Variants in ITPRIP observed in about 807,000 individuals in gnomAD.
The protein encoded by ITPRIP is inositol 1,4,5-trisphosphate receptor-interacting protein.
In ITPRIP, 32 loss-of-function variants were observed where a neutral mutation model predicts 35.8. The observed-to-expected ratio is 0.89, with a 90% CI of 0.68 to 1.20. ITPRIP has a LOEUF of 1.20. ITPRIP is among the 50% of genes most tolerant of loss of function. The probability of loss-of-function intolerance (pLI) is 0.00; values close to 1 mark genes in which losing one functional copy is unlikely to be tolerated. For missense variants in ITPRIP, 653 were observed against 735.6 expected (o/e 0.89, Z 1.30); for synonymous variants, 358 against 324.0 (o/e 1.11, Z -1.13).
chr10:104,336,097 G>A (rs895382101), intron 1 of ITPRIP, among the ~76,000 whole-genome samples: 21 of 152,272 alleles, frequency 1.4e-4, no homozygotes, highest in African/African-American at 5.1e-4. Context: ...GCTTGGCTAT[G>A]TCCACTCAAG....
At chr10:104,332,848 G>A (rs1374223093) in intron 1 of ITPRIP, among the ~76,000 whole-genome samples, 1 of 152,238 alleles carries the variant, frequency 6.6e-6, no homozygotes, top group Non-Finnish European at 1.5e-5. Context: ...TGAACTGTGA[G>A]ACGGGATTCC....
Position 104,315,527 on chromosome 10 carries a change from C to G in ITPRIP, c.525G>C (p.Leu175=), listed in dbSNP as rs574663057. 6.2e-7 allele frequency: 1 copy of G among 1,614,230 alleles called. No individual in the cohort carries two copies. Among genetic ancestry groups the G allele is most frequent in the Non-Finnish European group, 8.5e-7 (1 of 1,180,034 alleles). The change falls in exon 2 of 2, where the codon CTG becomes CTC. Residue 175 remains leucine (L), a synonymous_variant. Coordinates refer to ENST00000337478, the MANE Select transcript of ITPRIP (RefSeq NM_001272013.2). This position sits in a 1 kb window ranked among gnomAD's most constrained non-coding sequence, Gnocchi z 5.7. ...EGFVDDLLEA[L]RSLCNRDTDM... is the part of the protein sequence containing the mutation. The stretch of plus-strand genomic sequence containing the variant: ...CGGTGTCCCGGTTGCAGAGGCTCCT[C>G]AGGGCTTCCAGCAAGTCATCCACGA...
chr10:104,324,380 A>AG (rs1231953869), intron 1 of ITPRIP, among the ~76,000 whole-genome samples: 2 of 152,216 alleles, frequency 1.3e-5, no homozygotes, highest in Admixed American at 6.5e-5. Context: ...GGGCCCTGAA[A>AG]GGGGAGGGAG....
rs546378400 is a variant in ITPRIP, at chr10:104,317,224, T to C, written c.-13-1160A>G. Among the ~76,000 whole-genome samples the C allele has an allele frequency of 6.6e-5, 10 of 152,360 alleles. No homozygotes were observed. The East Asian group carries it at 1.2e-3, about 18-fold the overall frequency. ...ATCACTAATTTCTTCTTACCAGGCA[T>C]GTGAACTTTAAATCTAACTTCTTAA... On this transcript the variant is annotated intron_variant, in intron 1 of 1. Transcript: ENST00000337478.
rs1418898895 is a variant in ITPRIP at position 104,333,045 on chromosome 10, T to C, written c.-14+5201A>G. 6.6e-6 allele frequency among the ~76,000 whole-genome samples: 1 copy of C among 152,204 alleles called. No individual in the cohort carries two copies. Among genetic ancestry groups the C allele is most frequent in the Non-Finnish European group, 1.5e-5 (1 of 68,032 alleles). On this transcript the variant is annotated intron_variant, in intron 1 of 1. Coordinates refer to ENST00000337478, the MANE Select transcript of ITPRIP (RefSeq NM_001272013.2). The surrounding 1 kb of genome is among the most constrained non-coding windows in gnomAD (Gnocchi z 4.1). The stretch of plus-strand genomic sequence containing the variant: ...GATGTGAGCATCCTATTTCTCACTC[T>C]CTTTTGTGGGGAGGCTGAAGAATGG...
At chr10:104,330,787 T>C (rs12268079) in intron 1 of ITPRIP, among the ~76,000 whole-genome samples, 2,965 of 152,312 alleles carry the variant, frequency 0.019, 92 homozygotes, top group African/African-American at 0.067. Context: ...ATCTCCATTT[T>C]ACAGATAAGG....
Position 104,332,009 on chromosome 10 carries a change from C to G in ITPRIP, c.-14+6237G>C, listed in dbSNP as rs531788747. ...TGGGCTACAGTGTCCAGACAGACGC[C>G]TGAGGTGGCAGAAAGAGTCCAAGGC... is the stretch of plus-strand genomic sequence containing the variant. On this transcript the variant is annotated intron_variant, in intron 1 of 1. Coordinates refer to ENST00000337478, the MANE Select transcript of ITPRIP (RefSeq NM_001272013.2). 3.3e-5 allele frequency among the ~76,000 whole-genome samples: 5 copies of G among 152,278 alleles called. No individual in the cohort carries two copies. In the East Asian group the frequency reaches 9.6e-4, roughly 29 times the overall value.
Position 104,314,745 on chromosome 10 carries a change from G to A in ITPRIP, c.1307C>T (p.Ala436Val). The A allele has an allele frequency of 6.2e-7, 1 of 1,613,832 alleles. No individual in the cohort carries two copies. The highest frequency in any genetic ancestry group is 8.5e-7 in the Non-Finnish European group (1 of 1,179,946). Residue 436 changes from alanine to valine, a missense_variant, in exon 2 of 2, where the codon GCC becomes GTC. Physicochemically the swap from Ala to Val is moderately conservative, Grantham distance 64 (BLOSUM62 0). Transcript: ENST00000337478. ...CCGGAGGAGTAGGAGGTGCAGTAGGGCCGTCTTCAGGTGGTAGCTGCTGAG... is the reference window on the plus strand; with the variant it reads ...CCGGAGGAGTAGGAGGTGCAGTAGGACCGTCTTCAGGTGGTAGCTGCTGAG... The part of the protein sequence containing the change: ...SGLSSYHLKT[A>V]LLHLLLLRQA...
In ITPRIP at chr10:104,328,181, G is replaced by A. The variant is rs1308686263; in HGVS notation, c.-14+10065C>T. 3 of 976,034 alleles carry A rather than the reference G, an allele frequency of 3.1e-6. No individual in the cohort carries two copies. Among genetic ancestry groups the A allele is most frequent in the Admixed American group, 1.2e-4 (2 of 16,234 alleles). 60.5% of individuals were successfully genotyped at this position (976,034 alleles called of 1,614,324 possible). Reference sequence around the variant, plus strand: ...GGGGAAGGTCTCCCTCAGCCTCCAGGATTCCCATCTCCGGTTTCTATGCGT... The same window carrying A: ...GGGGAAGGTCTCCCTCAGCCTCCAGAATTCCCATCTCCGGTTTCTATGCGT... On this transcript the variant is annotated intron_variant, in intron 1 of 1. Transcript: ENST00000337478. The surrounding 1 kb of genome is among the most constrained non-coding windows in gnomAD (Gnocchi z 4.1).
chr10:104,325,016 G>A (rs1208170452), intron 1 of ITPRIP, among the ~76,000 whole-genome samples: 2 of 152,186 alleles, frequency 1.3e-5, no homozygotes, highest in Non-Finnish European at 2.9e-5. Context: ...TCAGGAGTTC[G>A]AGACCAGCCT....
intron 1 of ITPRIP, among the ~76,000 whole-genome samples, chr10:104,319,675 C>T (rs1336411103): frequency 6.6e-6 from 1 of 152,098 alleles, no homozygotes; most frequent in African/African-American, 2.4e-5. Context: ...GGGCTGTGGT[C>T]GCTCAGGGCC....
intron 1 of ITPRIP, among the ~76,000 whole-genome samples, chr10:104,325,739 G>A (rs548520772): frequency 1.2e-4 from 18 of 152,292 alleles, no homozygotes; most frequent in East Asian, 1.9e-4. Flanking sequence ...GTGCACACGC[G>A]GACAGCAGAG....
chr10:104,327,504 C>T (rs891413437), intron 1 of ITPRIP, among the ~76,000 whole-genome samples: 9 of 152,176 alleles, frequency 5.9e-5, no homozygotes, highest in African/African-American at 1.9e-4. Flanking sequence ...CACCCCTCTG[C>T]TGGCCAAAAC....
chr10:104,330,752 C>T (rs1436825031), intron 1 of ITPRIP, among the ~76,000 whole-genome samples: 1 of 152,200 alleles, frequency 6.6e-6, no homozygotes, highest in Non-Finnish European at 1.5e-5. Flanking sequence ...ATCATTCTCA[C>T]ATCAAACCTC....
chr10:104,315,979 G>A lies in ITPRIP; in HGVS notation c.73C>T (p.Arg25Trp). The change falls in exon 2 of 2, where the codon CGG becomes TGG. Residue 25 changes from arginine to tryptophan, a missense_variant. By Grantham distance (101) the Arg-to-Trp change is moderately radical. Coordinates refer to ENST00000337478, the MANE Select transcript of ITPRIP (RefSeq NM_001272013.2). The surrounding 1 kb of genome is among the most constrained non-coding windows in gnomAD (Gnocchi z 5.7). ...TTCTCGGGGACTGTGGCGTTCTCCC[G>A]CGGGAACAGCAGCGGGTGGTTGATG... ...AIINHPLLFP[R>W]ENATVPENEE... The A allele has an allele frequency of 1.9e-6, 3 of 1,612,950 alleles. No individual in the cohort carries two copies. Among genetic ancestry groups the A allele is most frequent in the African/African-American group, 1.3e-5 (1 of 74,998 alleles).
chr10:104,326,634 G>C lies in ITPRIP; in HGVS notation c.-13-10570C>G, dbSNP rs1340302003. The C allele has an allele frequency of 6.6e-6, 1 of 152,196 alleles. No homozygotes were observed. The highest frequency in any genetic ancestry group is 1.5e-5 in the Non-Finnish European group (1 of 68,094). The allele number at this position is 152,196 out of a possible 1,614,324, so 9.4% of individuals were successfully genotyped here. On this transcript the variant is annotated intron_variant, in intron 1 of 1. Coordinates refer to ENST00000337478, the MANE Select transcript of ITPRIP (RefSeq NM_001272013.2). This position sits in a 1 kb window ranked among gnomAD's most constrained non-coding sequence, Gnocchi z 4.8. ...CATCTCAGATCCATTCAACTGTGTGGGTTGAATGGCAGCCCTCAAAATATA... is the reference window on the plus strand; with the variant it reads ...CATCTCAGATCCATTCAACTGTGTGCGTTGAATGGCAGCCCTCAAAATATA...
intron 1 of ITPRIP, among the ~76,000 whole-genome samples, chr10:104,324,610 C>T (rs953637018): frequency 6.6e-6 from 1 of 152,140 alleles, no homozygotes; most frequent in Non-Finnish European, 1.5e-5. Context: ...GACCTGCCAC[C>T]CTGTGGCCAC....
In ITPRIP at chr10:104,328,913, C is replaced by T. The variant is rs2014090940; in HGVS notation, c.-14+9333G>A. On this transcript the variant is annotated intron_variant, in intron 1 of 1. Coordinates refer to ENST00000337478, the MANE Select transcript of ITPRIP (RefSeq NM_001272013.2). The surrounding 1 kb of genome is among the most constrained non-coding windows in gnomAD (Gnocchi z 4.1). ...CTAGGCCCCACACAGTGAAAGAAAT[C>T]CCAGACTGTTCTTCTACCCGAGTCC... is the stretch of plus-strand genomic sequence containing the variant. The T allele has an allele frequency of 3.3e-5, 5 of 152,182 alleles. No homozygotes were observed. The highest frequency in any genetic ancestry group is 3.3e-4 in the Admixed American group (5 of 15,256). The allele number at this position is 152,182 out of a possible 1,614,324, so 9.4% of individuals were successfully genotyped here. A position where few individuals can be genotyped will look rare whatever the true frequency, so the allele number is the denominator to read the frequency against.
intron 1 of ITPRIP, among the ~76,000 whole-genome samples, chr10:104,323,002 C>G (rs573051255): frequency 6.6e-6 from 1 of 152,210 alleles, no homozygotes; most frequent in East Asian, 1.9e-4. Context: ...GGGGGGAAAT[C>G]AAGCCAAATA....
Sources: allele counts gnomAD v4.1 joint callset (sites outside exome capture counted in the v4.1 genomes callset), GRCh38; gene constraint gnomAD v4.1.1; non-coding constraint Gnocchi (gnomAD v3.1); transcripts MANE v1.5; gene names NCBI Gene and HGNC (gene_info 2026-07-23, HGNC 2026-07-21).